The following KCNH1 variants were observed in gnomAD, a reference collection of about 807,000 sequenced individuals.
The protein encoded by KCNH1 is potassium voltage-gated channel subfamily H member 1, also known as voltage-gated delayed rectifier potassium channel KCNH1.
Under a neutral mutation model 69.2 loss-of-function variants are expected in KCNH1, and 27 were observed. That is an observed-to-expected ratio of 0.39 (90% CI 0.29 to 0.54). The LOEUF (loss-of-function observed/expected upper bound fraction) is 0.54. Ranked by LOEUF, KCNH1 falls within the 20% of genes least tolerant of loss-of-function variation. The pLI, the probability that KCNH1 is intolerant of heterozygous loss-of-function variation, is 0.68. For missense variants in KCNH1, 798 were observed against 1,261.6 expected, an observed-to-expected ratio of 0.63 and a Z score of 5.57; for synonymous variants, 456 against 487.7, an observed-to-expected ratio of 0.93 and a Z score of 0.86.
At chr1:210,855,336 C>G (rs1391253027) in intron 7 of KCNH1, among the ~76,000 whole-genome samples, 2 of 152,090 alleles carry the variant, frequency 1.3e-5, no homozygotes, top group African/African-American at 4.8e-5. Flanking sequence ...TTCTTAAATC[C>G]CTTATTATTG....
chr1:210,731,832 T>TCCTTCTCCCTAATTCCTAATTCC (rs1682754707), intron 10 of KCNH1, among the ~76,000 whole-genome samples: 1 of 152,096 alleles, frequency 6.6e-6, no homozygotes, highest in Non-Finnish European at 1.5e-5. Flanking sequence ...CATATGAAGT[T>TCCTTCTCCCTAATTCCTAATTCC]TGCCCTGCCT....
intron 6 of KCNH1, among the ~76,000 whole-genome samples, chr1:211,015,654 G>A (rs922674222): frequency 3.9e-5 from 6 of 152,176 alleles, no homozygotes; most frequent in South Asian, 2.1e-4. Context: ...GGAGCTGGCA[G>A]GAAACTCAAA....
At chr1:211,030,342 T>C (rs932903247) in intron 5 of KCNH1, among the ~76,000 whole-genome samples, 2 of 152,210 alleles carry the variant, frequency 1.3e-5, no homozygotes, top group African/African-American at 2.4e-5. Context: ...GTAGGAGGAA[T>C]CAGTCTAACC....
intron 7 of KCNH1, among the ~76,000 whole-genome samples, chr1:210,856,665 TCC>T (rs1476323925): frequency 6.7e-6 from 1 of 150,250 alleles, no homozygotes; most frequent in African/African-American, 2.5e-5. Context: ...TACCCCCTCA[TCC>T]CTGCCCTCAT....
chr1:211,010,910 G>C (rs746393553), intron 6 of KCNH1, among the ~76,000 whole-genome samples: 1 of 152,160 alleles, frequency 6.6e-6, no homozygotes, highest in Non-Finnish European at 1.5e-5. Flanking sequence ...TGGGAGAGAA[G>C]GATGGTGAGT....
At chr1:210,827,352 A>G (rs962115824) in intron 7 of KCNH1, among the ~76,000 whole-genome samples, 5 of 43,216 alleles carry the variant, frequency 1.2e-4, no homozygotes, top group Non-Finnish European at 1.6e-4. Context: ...AAAGAAAAAG[A>G]AAAAAAAGAA....
chr1:210,853,988 C>G (rs1180153558), intron 7 of KCNH1, among the ~76,000 whole-genome samples: 1 of 115,604 alleles, frequency 8.7e-6, no homozygotes, highest in East Asian at 2.8e-4. Context: ...GTCTTATCTA[C>G]TGGCATAATG....
chr1:211,108,382 T>C (rs911452187), intron 1 of KCNH1: 5 of 120,932 alleles, frequency 4.1e-5, no homozygotes, highest in African/African-American at 1.2e-4. Flanking sequence ...GGAGAGGGTA[T>C]TATGTGTGTC....
At chr1:210,963,004 G>T (rs1278569093) in intron 6 of KCNH1, among the ~76,000 whole-genome samples, 2 of 151,122 alleles carry the variant, frequency 1.3e-5, no homozygotes, top group Non-Finnish European at 2.9e-5. Context: ...AATTTACTGG[G>T]TTCTTTGCCA....
chr1:211,027,779 C>A (rs918582804), intron 5 of KCNH1, among the ~76,000 whole-genome samples: 1 of 151,468 alleles, frequency 6.6e-6, no homozygotes, highest in Non-Finnish European at 1.5e-5. Context: ...GAAGACAGAA[C>A]AATCCTGATG....
At chr1:210,842,211 A>C (rs190421073) in intron 7 of KCNH1, among the ~76,000 whole-genome samples, 1 of 152,300 alleles carries the variant, frequency 6.6e-6, no homozygotes, top group East Asian at 1.9e-4. Context: ...TGGTCATGGA[A>C]GCTCACCCAC....
intron 10 of KCNH1, among the ~76,000 whole-genome samples, chr1:210,751,854 A>T (rs1036877447): frequency 6.6e-6 from 1 of 152,158 alleles, no homozygotes; most frequent in Admixed American, 6.5e-5. Flanking sequence ...GTGCTGAACC[A>T]TATAAGAAAC....
In KCNH1 at chr1:210,784,634, A is replaced by G. The variant is rs1684058593; in HGVS notation, c.1916-9090T>C. Among the ~76,000 whole-genome samples, 5 of 152,170 alleles carry G rather than the reference A, an allele frequency of 3.3e-5. No individual in the cohort carries two copies. The South Asian group carries it at 1.0e-3, about 32-fold the overall frequency. ...CACTCTACTTCTCTAAAGGGCATCT[A>G]TGCCTAGAAAAGTTTTGTCTCATTC... On this transcript the variant is annotated intron_variant, in intron 9 of 10. Transcript: ENST00000271751.
intron 5 of KCNH1, among the ~76,000 whole-genome samples, chr1:211,054,503 T>C (rs1423336899): frequency 6.6e-6 from 1 of 152,064 alleles, no homozygotes; most frequent in Non-Finnish European, 1.5e-5. Context: ...AAATCTATGA[T>C]GACCAAACAA....
chr1:210,828,889 C>T (rs931090118), intron 7 of KCNH1, among the ~76,000 whole-genome samples: 1 of 152,206 alleles, frequency 6.6e-6, no homozygotes, highest in Non-Finnish European at 1.5e-5. Context: ...TTTGCAATGA[C>T]TTCCTGAATA....
intron 7 of KCNH1, among the ~76,000 whole-genome samples, chr1:210,882,017 A>G (rs1232564445): frequency 6.6e-6 from 1 of 152,204 alleles, no homozygotes; most frequent in Non-Finnish European, 1.5e-5. Context: ...ACCCTAATGT[A>G]AACTATGGAC....
At chr1:210,982,646 C>CATTTTCTTA (rs1470861841) in intron 6 of KCNH1, among the ~76,000 whole-genome samples, 4 of 152,132 alleles carry the variant, frequency 2.6e-5, no homozygotes, top group Non-Finnish European at 5.9e-5. Context: ...ATATGTGCCA[C>CATTTTCTTA]ATTTTCTTAA....
chr1:211,107,166 A>T (rs1209718623), intron 2 of KCNH1, 88 bp downstream of exon 2: 8 of 1,451,032 alleles, frequency 5.5e-6, no homozygotes, highest in Admixed American at 3.5e-5. Context: ...AATGAGGTAA[A>T]GGCAATTCCC....
Position 210,718,703 on chromosome 1 carries a change from C to G in KCNH1, c.2113-34565G>C, listed in dbSNP as rs80352478. The stretch of plus-strand genomic sequence containing the variant: ...ACACACACACACACATATATATATA[C>G]ACACTAAGTCTTCAAAATCCCTTGT... On this transcript the variant is annotated intron_variant, in intron 10 of 10. Coordinates refer to ENST00000271751, the MANE Select transcript of KCNH1 (RefSeq NM_172362.3). 1.3e-3 allele frequency among the ~76,000 whole-genome samples: 180 copies of G among 141,792 alleles called. 7 individuals are homozygous for G. The highest frequency in any genetic ancestry group is 8.3e-3 in the Admixed American group (111 of 13,422). 93.0% of individuals were successfully genotyped at this position (141,792 alleles called of 152,430 possible).
Sources: gnomAD v4.1 joint callset for allele counts (sites outside exome capture counted in the v4.1 genomes callset) on GRCh38, gnomAD v4.1.1 for gene constraint, MANE v1.5 for transcripts, NCBI Gene and HGNC (gene_info 2026-07-23, HGNC 2026-07-21) for gene names.